The following GNB4 variants were observed in gnomAD, a reference collection of about 807,000 sequenced individuals.
GNB4 encodes the protein guanine nucleotide-binding protein subunit beta-4.
GNB4 carries 28 observed loss-of-function variants against 45.2 expected under a neutral mutation model. The observed-to-expected ratio is 0.62, with a 90% CI of 0.46 to 0.85. GNB4 has a LOEUF of 0.85. GNB4 is among the 40% of genes least tolerant of loss of function. The pLI is 0.00. For synonymous variants in GNB4, 132 were observed against 143.7 expected (o/e 0.92, Z 0.58); for missense variants, 321 against 425.4 (o/e 0.75, Z 2.16).
chr3:179,495,810 T>C, the GNB4 span, among the ~76,000 whole-genome samples: 1 of 152,174 alleles, frequency 6.6e-6, no homozygotes, highest in East Asian at 1.9e-4. Flanking sequence ...AATAATATAT[T>C]TGAAGTGTTA....
chr3:179,520,598 T>C, the GNB4 span, among the ~76,000 whole-genome samples: 1 of 152,170 alleles, frequency 6.6e-6, no homozygotes, highest in African/African-American at 2.4e-5. Flanking sequence ...TTCCAGAATC[T>C]ATTTTCTTCC....
At chr3:179,415,077 A>G (rs1197222425) in intron 5 of GNB4, 30 bp from the exon 6 acceptor site, 55 of 1,513,444 alleles carry the variant, frequency 3.6e-5, no homozygotes, top group Non-Finnish European at 4.7e-5. Flanking sequence ...CATCACTCAG[A>G]TTACAAAAAC....
chr3:179,491,213 G>A, the GNB4 span, among the ~76,000 whole-genome samples: 1 of 152,176 alleles, frequency 6.6e-6, no homozygotes, highest in Non-Finnish European at 1.5e-5. Flanking sequence ...TGTGCTCAAA[G>A]AGCTTGCAAT....
chr3:179,522,146 A>G, the GNB4 span, among the ~76,000 whole-genome samples: 1 of 152,082 alleles, frequency 6.6e-6, no homozygotes, highest in Non-Finnish European at 1.5e-5. Flanking sequence ...ACATCCAGAT[A>G]GCCAGTTCCT....
At chr3:179,477,191 C>T in the GNB4 span, among the ~76,000 whole-genome samples, 1 of 152,104 alleles carries the variant, frequency 6.6e-6, no homozygotes. Context: ...TTGGTTTACT[C>T]TCCTGAACAC....
chr3:179,496,364 C>T, the GNB4 span, among the ~76,000 whole-genome samples: 1 of 151,608 alleles, frequency 6.6e-6, no homozygotes, highest in Non-Finnish European at 1.5e-5. Flanking sequence ...CTAGAAAAAA[C>T]AAAACGAAAA....
At chr3:179,464,140 C>T in the GNB4 span, among the ~76,000 whole-genome samples, 3 of 152,058 alleles carry the variant, frequency 2.0e-5, no homozygotes, top group African/African-American at 4.8e-5. Context: ...GGAATGGACC[C>T]CTCCTCTGGG....
chr3:179,408,023 T>C (rs1240514771), intron 8 of GNB4, among the ~76,000 whole-genome samples: 2 of 152,148 alleles, frequency 1.3e-5, no homozygotes, highest in Admixed American at 1.3e-4. Flanking sequence ...ATCAAATAGT[T>C]TCCAAGTAAC....
chr3:179,468,803 T>G, the GNB4 span, among the ~76,000 whole-genome samples: 2 of 152,156 alleles, frequency 1.3e-5, no homozygotes, highest in African/African-American at 4.8e-5. Context: ...AAATTTACAT[T>G]CTATAAAGAA....
At chr3:179,469,528 T>A in the GNB4 span, among the ~76,000 whole-genome samples, 1 of 152,232 alleles carries the variant, frequency 6.6e-6, no homozygotes, top group Non-Finnish European at 1.5e-5. Context: ...TGTGTCAAGT[T>A]CTGCATGACA....
the GNB4 span, among the ~76,000 whole-genome samples, chr3:179,474,631 G>A: frequency 6.6e-6 from 1 of 150,896 alleles, no homozygotes; most frequent in Non-Finnish European, 1.5e-5. Context: ...GAAGTAGCAA[G>A]AGTCTACAGT....
chr3:179,399,795 G>A lies in GNB4; in HGVS notation c.*1418C>T, dbSNP rs1460414253. The A allele has an allele frequency of 2.0e-5, 3 of 152,110 alleles. No individual in the cohort carries two copies. Among genetic ancestry groups the A allele is most frequent in the South Asian group, 2.1e-4 (1 of 4,836 alleles). 9.4% of individuals were successfully genotyped at this position (152,110 alleles called of 1,614,324 possible). On this transcript the variant is annotated 3_prime_UTR_variant, in exon 10 of 10. Transcript: ENST00000232564. ...GTAACTAAGTTACAAAACAATGCAC[G>A]TCTATATATCAGAATAATCCAAGAC...
chr3:179,434,892 C>T (rs73045195), intron 1 of GNB4, among the ~76,000 whole-genome samples: 4,505 of 152,020 alleles, frequency 0.03, 196 homozygotes, highest in African/African-American at 0.094. Context: ...CCAGCCTGGG[C>T]AGCAGAATGA....
At chr3:179,401,652 G>A (rs557569620) in intron 9 of GNB4, among the ~76,000 whole-genome samples, 38 of 152,132 alleles carry the variant, frequency 2.5e-4, no homozygotes, top group African/African-American at 8.4e-4. Flanking sequence ...ATAAGTTCTC[G>A]ATATTCCAAA....
intron 1 of GNB4, among the ~76,000 whole-genome samples, chr3:179,448,068 T>C (rs1276151877): frequency 6.6e-6 from 1 of 152,204 alleles, no homozygotes; most frequent in Non-Finnish European, 1.5e-5. Flanking sequence ...AATTGTTTCA[T>C]GGAGTAGGAG....
chr3:179,433,919 G>C (rs540959457), intron 1 of GNB4, among the ~76,000 whole-genome samples: 2 of 152,236 alleles, frequency 1.3e-5, no homozygotes, highest in South Asian at 4.1e-4. Context: ...TCAACCTCAG[G>C]AATCAGGGAA....
chr3:179,519,654 A>G, the GNB4 span, among the ~76,000 whole-genome samples: 816 of 152,132 alleles, frequency 5.4e-3, 10 homozygotes, highest in African/African-American at 0.015. Flanking sequence ...CTGCTTCCCT[A>G]ACTATTCCTA....
chr3:179,419,603 G>C, intron 3 of GNB4, 98 bp from the exon 4 acceptor site: 1 of 770,054 alleles, frequency 1.3e-6, no homozygotes, highest in Non-Finnish European at 2.3e-6. Flanking sequence ...CAAACATAAA[G>C]TACATTTATA....
the GNB4 span, among the ~76,000 whole-genome samples, chr3:179,502,358 C>T: frequency 6.6e-6 from 1 of 151,148 alleles, no homozygotes; most frequent in African/African-American, 2.4e-5. Context: ...CTCAGCCTCC[C>T]AATTAACTGG....
Sources: gnomAD v4.1 joint callset for allele counts (sites outside exome capture counted in the v4.1 genomes callset) on GRCh38, gnomAD v4.1.1 for gene constraint, MANE v1.5 for transcripts, NCBI Gene and HGNC (gene_info 2026-07-23, HGNC 2026-07-21) for gene names.